Variants in FAM219A observed in about 807,000 individuals in gnomAD.
FAM219A encodes family with sequence similarity 219 member A.
Under a neutral mutation model 23.4 loss-of-function variants are expected in FAM219A, and 7 were observed. The observed-to-expected ratio is 0.30, with a 90% CI of 0.17 to 0.56. The LOEUF (loss-of-function observed/expected upper bound fraction) is 0.56, where lower values mean the gene tolerates loss of function less well. Ranked by LOEUF, FAM219A falls within the 20% of genes least tolerant of loss-of-function variation. The probability of loss-of-function intolerance (pLI) is 0.92; values close to 1 mark genes in which losing one functional copy is unlikely to be tolerated. For synonymous variants in FAM219A, 93 were observed against 99.0 expected (o/e 0.94, Z 0.36); for missense variants, 166 against 246.9 (o/e 0.67, Z 2.20).
At chr9:34,454,261 G>A (rs2132024640) in intron 1 of FAM219A, among the ~76,000 whole-genome samples, 1 of 152,266 alleles carries the variant, frequency 6.6e-6, no homozygotes, top group South Asian at 2.1e-4. Flanking sequence ...CATGGTGAAA[G>A]CCTGTCTCTA....
Position 34,417,905 on chromosome 9 carries a change from G to A in FAM219A, c.61-11941C>T, listed in dbSNP as rs1184587274. On this transcript the variant is annotated intron_variant, in intron 1 of 5. Transcript: ENST00000651358. The surrounding 1 kb of genome is among the most constrained non-coding windows in gnomAD (Gnocchi z 4.1). ...CACTGAAGACTGGGAAGGGCTTTAA[G>A]TGGAGCACTGGCACTGCCTGGCAAC... Among the ~76,000 whole-genome samples, 4 of 152,230 alleles carry A rather than the reference G, an allele frequency of 2.6e-5. No homozygotes were observed. Among genetic ancestry groups the A allele is most frequent in the African/African-American group, 9.6e-5 (4 of 41,466 alleles).
In FAM219A at chr9:34,405,952, C is replaced by T. The variant is rs201648779; in HGVS notation, c.73G>A (p.Ala25Thr). The T allele has an allele frequency of 7.3e-5, 117 of 1,611,406 alleles. No individual in the cohort carries two copies. The highest frequency in any genetic ancestry group is 4.9e-4 in the Admixed American group (29 of 59,770). Residue 25 changes from alanine (A) to threonine (T), a missense_variant, in exon 2 of 6, where the codon GCC (alanine) becomes ACC (threonine). Ala to Thr is a moderately conservative substitution (Grantham distance 58, BLOSUM62 0). Transcript: ENST00000651358. ...TCACAGTCTCCGTCAGAGATGGAGG[C>T]GGCGGCTGGGTCCTGTGGGGAGAAA... ...SEMQPLDPAA[A>T]SISDGDCDAR... is the part of the protein sequence containing the mutation.
chr9:34,430,203 G>T (rs1026421397), intron 1 of FAM219A, among the ~76,000 whole-genome samples: 2 of 152,036 alleles, frequency 1.3e-5, no homozygotes, highest in Admixed American at 6.6e-5. Context: ...CCCTTTCACA[G>T]CGAAAGACAT....
At chr9:34,424,337 T>C (rs1209215727) in intron 1 of FAM219A, among the ~76,000 whole-genome samples, 2 of 152,100 alleles carry the variant, frequency 1.3e-5, no homozygotes, top group East Asian at 3.9e-4. Flanking sequence ...AAATTATGGG[T>C]CTGATTCTTG....
At chr9:34,421,017 A>T (rs1318282734) in intron 1 of FAM219A, among the ~76,000 whole-genome samples, 5 of 142,358 alleles carry the variant, frequency 3.5e-5, no homozygotes, top group Middle Eastern at 3.6e-3. Context: ...TGTGAGAGAG[A>T]GAGAGAGAGA....
In FAM219A at chr9:34,440,774, C is replaced by T. The variant is rs1386779228; in HGVS notation, c.60+17430G>A. Among the ~76,000 whole-genome samples the T allele has an allele frequency of 3.3e-5, 5 of 150,576 alleles. No homozygotes were observed. In the East Asian group the frequency reaches 5.9e-4, roughly 18 times the overall value. On this transcript the variant is annotated intron_variant, in intron 1 of 5. Transcript: ENST00000651358. Reference sequence around the variant, plus strand: ...CTGAGGCAGGAGAATGGCATGAACCCGGGAGGCGGAGCTTGCAAGTGAGCC... The same window carrying T: ...CTGAGGCAGGAGAATGGCATGAACCTGGGAGGCGGAGCTTGCAAGTGAGCC...
At chr9:34,425,253 G>C (rs902832389) in intron 1 of FAM219A, among the ~76,000 whole-genome samples, 1 of 152,180 alleles carries the variant, frequency 6.6e-6, no homozygotes, top group South Asian at 2.1e-4. Flanking sequence ...GCCAAGGCAG[G>C]CAGATCACCT....
At chr9:34,439,879 G>A (rs978442776) in intron 1 of FAM219A, among the ~76,000 whole-genome samples, 11 of 152,132 alleles carry the variant, frequency 7.2e-5, no homozygotes, top group Admixed American at 7.2e-4. Flanking sequence ...AAGTGTAAGG[G>A]GCTACACGGG....
At position 34,411,396 on chromosome 9, in the gene FAM219A, TAAA is replaced by T. The variant is rs146135972; in HGVS notation, c.61-5435_61-5433del. ...CATATTGAGACCCTGTCTTTAAAAATAAAAAAAAAAGGGCTGGGCACGGTGGCT... is the reference window on the plus strand; with the variant it reads ...CATATTGAGACCCTGTCTTTAAAAATAAAAAAAGGGCTGGGCACGGTGGCT... On this transcript the variant is annotated intron_variant, in intron 1 of 5. Transcript: ENST00000651358. Among the ~76,000 whole-genome samples, 381 of 142,466 alleles carry T rather than the reference TAAA, an allele frequency of 2.7e-3. 1 individual carries two copies. Among genetic ancestry groups the T allele is most frequent in the Non-Finnish European group, 4.0e-3 (257 of 64,864 alleles). 93.5% of individuals were successfully genotyped at this position (142,466 alleles called of 152,430 possible).
chr9:34,437,480 T>TATACC (rs1383066450), intron 1 of FAM219A, among the ~76,000 whole-genome samples: 1 of 152,198 alleles, frequency 6.6e-6, no homozygotes, highest in African/African-American at 2.4e-5. Flanking sequence ...AGTTCTAGAA[T>TATACC]ATACCGACTT....
intron 1 of FAM219A, among the ~76,000 whole-genome samples, chr9:34,418,321 A>C (rs1564004635): frequency 6.6e-6 from 1 of 152,190 alleles, no homozygotes; most frequent in African/African-American, 2.4e-5. Context: ...GATGTCTTAG[A>C]CTGATGTTCT....
At chr9:34,439,942 A>G (rs1823104088) in intron 1 of FAM219A, among the ~76,000 whole-genome samples, 2 of 152,188 alleles carry the variant, frequency 1.3e-5, no homozygotes, top group Non-Finnish European at 2.9e-5. Flanking sequence ...TCATGTGGAT[A>G]AAAGGGATAG....
intron 1 of FAM219A, among the ~76,000 whole-genome samples, chr9:34,434,103 G>C (rs554830191): frequency 1.3e-4 from 19 of 150,826 alleles, no homozygotes; most frequent in African/African-American, 4.1e-4. Context: ...TCGGGAGGCT[G>C]AGGCAGGAGA....
At chr9:34,449,876 C>T (rs1281457831) in intron 1 of FAM219A, among the ~76,000 whole-genome samples, 1 of 152,162 alleles carries the variant, frequency 6.6e-6, no homozygotes, top group African/African-American at 2.4e-5. Context: ...AGAAATTTTT[C>T]TACGGAGACT....
At position 34,399,736 on chromosome 9, in the gene FAM219A, C is replaced by T. The variant is rs551792074; in HGVS notation, c.*1228G>A. 8 of 152,298 alleles carry T rather than the reference C, an allele frequency of 5.3e-5. No homozygotes were observed. The highest frequency in any genetic ancestry group is 4.1e-4 in the South Asian group (2 of 4,832). The allele number at this position is 152,298 out of a possible 1,614,324, so 9.4% of individuals were successfully genotyped here. A position where few individuals can be genotyped will look rare whatever the true frequency, so the allele number is the denominator to read the frequency against. On this transcript the variant is annotated 3_prime_UTR_variant, in exon 6 of 6. Coordinates refer to ENST00000651358, the MANE Select transcript of FAM219A (RefSeq NM_001184940.2). The stretch of plus-strand genomic sequence containing the variant: ...ATTTTCTAGTTGAGGAAACTGAAGA[C>T]GAGAGAAAGCAAGTGGCTTGTTGAA...
At chr9:34,442,416 G>A (rs535871679) in intron 1 of FAM219A, among the ~76,000 whole-genome samples, 2 of 152,342 alleles carry the variant, frequency 1.3e-5, no homozygotes, top group South Asian at 2.1e-4. Context: ...CAGGCATGGC[G>A]GCTCACGCCT....
chr9:34,404,088 T>C (rs1821549059), intron 2 of FAM219A, among the ~76,000 whole-genome samples: 2 of 152,186 alleles, frequency 1.3e-5, no homozygotes, highest in South Asian at 2.1e-4. Context: ...GAAAAAAAGA[T>C]GTTATTTTAA....
chr9:34,413,221 G>A (rs1055517443), intron 1 of FAM219A, among the ~76,000 whole-genome samples: 1 of 150,888 alleles, frequency 6.6e-6, no homozygotes, highest in Admixed American at 6.6e-5. Context: ...ATAACATGGA[G>A]GCAGAAAGGG....
intron 1 of FAM219A, among the ~76,000 whole-genome samples, chr9:34,450,772 C>G (rs7039407): frequency 0.016 from 2,477 of 152,282 alleles, 63 homozygotes; most frequent in African/African-American, 0.055. Context: ...ATGGGATGTA[C>G]TCTGCTTATA....
Sources: allele counts gnomAD v4.1 joint callset (sites outside exome capture counted in the v4.1 genomes callset), GRCh38; gene constraint gnomAD v4.1.1; non-coding constraint Gnocchi (gnomAD v3.1); transcripts MANE v1.5; gene names NCBI Gene and HGNC (gene_info 2026-07-23, HGNC 2026-07-21).